MACROH2A1: variants seen among roughly 807,000 people sequenced by gnomAD.
MACROH2A1 encodes core histone macro-H2A.1.
In MACROH2A1, 2 loss-of-function variants were observed where a neutral mutation model predicts 31.6. That is an observed-to-expected ratio of 0.06 (90% CI 0.03 to 0.20). The LOEUF (loss-of-function observed/expected upper bound fraction) is 0.20, where lower values mean the gene tolerates loss of function less well. Ranked by LOEUF, MACROH2A1 falls within the 10% of genes least tolerant of loss-of-function variation. MACROH2A1 has a pLI of 1.00. For missense variants in MACROH2A1, 230 were observed against 474.0 expected, an observed-to-expected ratio of 0.49 and a Z score of 4.78; for synonymous variants, 169 against 189.6, an observed-to-expected ratio of 0.89 and a Z score of 0.89.
chr5:135,353,117 A>C, intron 5 of MACROH2A1, 72 bp from the exon 6 acceptor site: 1 of 967,242 alleles, frequency 1.0e-6, no homozygotes, highest in South Asian at 1.3e-5. Context: ...CTTGGGATAC[A>C]GGTAAAGGAC....
intron 7 of MACROH2A1, chr5:135,344,134 CT>C: frequency 6.5e-6 from 1 of 152,892 alleles, no homozygotes; most frequent in Non-Finnish European, 1.5e-5. Flanking sequence ...CCACCAAAGA[CT>C]TGCCTTTCCC....
chr5:135,368,755 C>G (rs1763826910), intron 4 of MACROH2A1, among the ~76,000 whole-genome samples: 1 of 152,192 alleles, frequency 6.6e-6, no homozygotes, highest in African/African-American at 2.4e-5. Context: ...CAGGCCTGGA[C>G]CTCCGGAGGG....
chr5:135,346,248 T>C, intron 6 of MACROH2A1, 191 bp from the exon 7 acceptor site: 1 of 586,682 alleles, frequency 1.7e-6, no homozygotes, highest in Non-Finnish European at 3.1e-6. Context: ...GTTACTACCC[T>C]CAAATTGCTG....
At chr5:135,390,551 G>A (rs1767082055) in intron 1 of MACROH2A1, among the ~76,000 whole-genome samples, 1 of 152,212 alleles carries the variant, frequency 6.6e-6, no homozygotes, top group Non-Finnish European at 1.5e-5. Context: ...GGGGATATGA[G>A]GGGCCTTGGC....
intron 4 of MACROH2A1, among the ~76,000 whole-genome samples, chr5:135,363,479 ATG>A (rs1763107248): frequency 6.6e-6 from 1 of 152,186 alleles, no homozygotes; most frequent in Non-Finnish European, 1.5e-5. Context: ...GTCTGAAATC[ATG>A]TCTCTTCCTA....
At chr5:135,343,663 A>C in intron 7 of MACROH2A1, 1 of 603,524 alleles carries the variant, frequency 1.7e-6, no homozygotes, top group Non-Finnish European at 2.8e-6. Flanking sequence ...AGGAATTTTG[A>C]CCAAGTTCGT....
At chr5:135,386,044 T>C (rs893079060) in intron 2 of MACROH2A1, among the ~76,000 whole-genome samples, 2 of 152,098 alleles carry the variant, frequency 1.3e-5, no homozygotes, top group East Asian at 3.9e-4. Flanking sequence ...TCCTTCTCAC[T>C]CAAGGGCCAA....
rs141414419 is a variant in MACROH2A1 at position 135,378,788 on chromosome 5, C to A, written c.173-8646G>T. Among the ~76,000 whole-genome samples, 3 of 152,314 alleles carry A rather than the reference C, an allele frequency of 2.0e-5. No homozygotes were observed. In the East Asian group the frequency reaches 5.8e-4, roughly 29 times the overall value. ...TGCCTAGCACACAGTAACTGTTCAACATACGGCAGATGTTTTGGAACTTAA... is the reference window on the plus strand; with the variant it reads ...TGCCTAGCACACAGTAACTGTTCAAAATACGGCAGATGTTTTGGAACTTAA... On this transcript the variant is annotated intron_variant, in intron 2 of 8. Transcript: ENST00000511689.
intron 1 of MACROH2A1, among the ~76,000 whole-genome samples, chr5:135,393,185 C>T (rs1767490998): frequency 6.6e-6 from 1 of 152,190 alleles, no homozygotes; most frequent in Non-Finnish European, 1.5e-5. Context: ...GTTACTCTCA[C>T]ATCTTCAATA....
At chr5:135,353,103 G>A (rs749072441) in intron 5 of MACROH2A1, 58 bp from the exon 6 acceptor site, 1 of 1,083,174 alleles carries the variant, frequency 9.2e-7, no homozygotes, top group Non-Finnish European at 1.4e-6. Flanking sequence ...CTCAGAGAAG[G>A]AGCCTTGGGA....
In MACROH2A1 at chr5:135,338,981, C is replaced by T. The variant is rs56154639; in HGVS notation, c.954-3840G>A. ...GGTGGTGATGATGAGGCTGCCAGTA[C>T]TGCGGCCACCATCAGCCCCACCTGG... On this transcript the variant is annotated intron_variant, in intron 8 of 8. Transcript: ENST00000511689. Among the ~76,000 whole-genome samples the T allele has an allele frequency of 8.2e-3, 1,250 of 152,328 alleles. 20 individuals are homozygous for T. The highest frequency in any genetic ancestry group is 0.029 in the African/African-American group (1,188 of 41,560).
chr5:135,353,076 C>T (rs929658043), intron 5 of MACROH2A1, 31 bp from the exon 6 acceptor site: 1 of 1,370,260 alleles, frequency 7.3e-7, no homozygotes, highest in Middle Eastern at 1.8e-4. Flanking sequence ...TGGGAAATAA[C>T]AGGAGAGCTG....
chr5:135,340,823 T>TA (rs1228404284), intron 8 of MACROH2A1, among the ~76,000 whole-genome samples: 12 of 152,372 alleles, frequency 7.9e-5, no homozygotes, highest in Admixed American at 3.3e-4. Flanking sequence ...CATTTTTTTT[T>TA]ACTCATGAAA....
intron 2 of MACROH2A1, among the ~76,000 whole-genome samples, chr5:135,370,843 G>A (rs1764092705): frequency 6.6e-6 from 1 of 152,188 alleles, no homozygotes; most frequent in African/African-American, 2.4e-5. Flanking sequence ...GAAGAGCTCT[G>A]AATGTGGACT....
rs1213957559 is a variant in MACROH2A1 at position 135,398,600 on chromosome 5, G to A, written c.-34+462C>T. Among the ~76,000 whole-genome samples the A allele has an allele frequency of 2.0e-5, 3 of 152,206 alleles. No homozygotes were observed. The highest frequency in any genetic ancestry group is 4.4e-5 in the Non-Finnish European group (3 of 68,036). On this transcript the variant is annotated intron_variant, in intron 1 of 8. Coordinates refer to ENST00000511689, the MANE Select transcript of MACROH2A1 (RefSeq NM_138610.3). This position sits in a 1 kb window ranked among gnomAD's most constrained non-coding sequence, Gnocchi z 4.6. ...CTCGGGCCCGACTTATTGTGCCGGG[G>A]CCGGCAACTCGCGGGCCGGCGGGGG...
intron 2 of MACROH2A1, among the ~76,000 whole-genome samples, chr5:135,375,327 C>T (rs1438553792): frequency 2.0e-5 from 3 of 152,144 alleles, no homozygotes; most frequent in East Asian, 1.9e-4. Context: ...GTTTTAAGGC[C>T]GCTTGACAAA....
chr5:135,359,224 G>C (rs1762544519), intron 5 of MACROH2A1: 1 of 985,296 alleles, frequency 1.0e-6, no homozygotes, highest in Non-Finnish European at 1.2e-6. Context: ...AAAAGAGGGA[G>C]AAGGTGACCC....
chr5:135,399,881 A>G (rs748870380), upstream of MACROH2A1: 12 of 152,268 alleles, frequency 7.9e-5, no homozygotes, highest in Non-Finnish European at 1.2e-4. This position sits in a 1 kb window ranked among gnomAD's most constrained non-coding sequence, Gnocchi z 4.5. Context: ...TTACTAATGT[A>G]GACAGTGATT....
chr5:135,355,069 A>T, intron 5 of MACROH2A1: 1 of 456,098 alleles, frequency 2.2e-6, no homozygotes, highest in Non-Finnish European at 4.4e-6. Flanking sequence ...TGTTATATTC[A>T]GAAATGTTTC....
Sources: allele counts gnomAD v4.1 joint callset (sites outside exome capture counted in the v4.1 genomes callset), GRCh38; gene constraint gnomAD v4.1.1; non-coding constraint Gnocchi (gnomAD v3.1); transcripts MANE v1.5; gene names NCBI Gene and HGNC (gene_info 2026-07-23, HGNC 2026-07-21).